Variants in SRRM3 observed in about 807,000 individuals in gnomAD.
SRRM3 encodes serine/arginine repetitive matrix protein 3.
Under a neutral mutation model 66.2 loss-of-function variants are expected in SRRM3, and 27 were observed. The ratio of observed to expected loss-of-function variants is 0.41; its 90% CI spans 0.30 to 0.56. The LOEUF (loss-of-function observed/expected upper bound fraction) is 0.56. SRRM3 is among the 20% of genes least tolerant of loss of function. The pLI is 0.32. For synonymous variants in SRRM3, 391 were observed against 414.9 expected, an observed-to-expected ratio of 0.94 and a Z score of 0.70; for missense variants, 918 against 991.9, an observed-to-expected ratio of 0.93 and a Z score of 1.00.
chr7:76,211,074 A>T (rs1238025023), intron 1 of SRRM3, among the ~76,000 whole-genome samples: 1 of 152,192 alleles, frequency 6.6e-6, no homozygotes, highest in Non-Finnish European at 1.5e-5. Flanking sequence ...AGCCTCCCAA[A>T]GTGCTGGGAT....
chr7:76,226,565 GTTATTTA>G (rs1469199620), intron 1 of SRRM3, among the ~76,000 whole-genome samples: 2 of 148,212 alleles, frequency 1.3e-5, no homozygotes, highest in African/African-American at 4.9e-5. Flanking sequence ...AAGGTCTGGT[GTTATTTA>G]TTTATTTATT....
chr7:76,247,352 C>G (rs781925716), intron 2 of SRRM3, among the ~76,000 whole-genome samples: 1 of 152,058 alleles, frequency 6.6e-6, no homozygotes, highest in Non-Finnish European at 1.5e-5. Context: ...CGATAACCCC[C>G]CTACAAGCCA....
Position 76,248,218 on chromosome 7 carries a change from G to A in SRRM3, c.264G>A (p.Val88=). The A allele has an allele frequency of 1.2e-6, 2 of 1,613,818 alleles. No individual in the cohort carries two copies. Among genetic ancestry groups the A allele is most frequent in the Middle Eastern group, 1.6e-4 (1 of 6,062 alleles). ...GYSEEEIRQK[V]GTFRQMLMEK... ...CGGAGGAGGAGATTCGGCAGAAAGT[G>A]GGGACATTCCGGCAGATGCTGATGG... The change falls in exon 3 of 15, where the codon GTG becomes GTA. Residue 88 remains valine, a synonymous_variant. Transcript: ENST00000611745.
At chr7:76,257,876 A>G (rs1241148598) in intron 3 of SRRM3, among the ~76,000 whole-genome samples, 1 of 152,188 alleles carries the variant, frequency 6.6e-6, no homozygotes, top group Non-Finnish European at 1.5e-5. Flanking sequence ...CTTCGAGAAG[A>G]GGCTCACAGA....
chr7:76,248,866 G>A (rs2117028498), intron 3 of SRRM3, among the ~76,000 whole-genome samples: 1 of 152,316 alleles, frequency 6.6e-6, no homozygotes, highest in East Asian at 1.9e-4. Context: ...TGTAATCCCA[G>A]CTACTTGGGA....
chr7:76,232,158 T>C (rs1445859517), intron 1 of SRRM3, among the ~76,000 whole-genome samples: 2 of 152,164 alleles, frequency 1.3e-5, no homozygotes, highest in Non-Finnish European at 1.5e-5. Flanking sequence ...GGCGCTTAGC[T>C]GGAGCTAGGA....
At chr7:76,211,539 T>C (rs1362273404) in intron 1 of SRRM3, among the ~76,000 whole-genome samples, 1 of 152,154 alleles carries the variant, frequency 6.6e-6, no homozygotes, top group African/African-American at 2.4e-5. Context: ...AAGGTCACCC[T>C]GAAGAGCGGT....
At chr7:76,266,644 TATATTATATATA>T (rs1402132599) in intron 10 of SRRM3, among the ~76,000 whole-genome samples, 135 of 132,012 alleles carry the variant, frequency 1.0e-3, no homozygotes, top group African/African-American at 3.7e-3. Context: ...AATATATTTA[TATATTATATATA>T]TTATTATATA....
intron 11 of SRRM3, chr7:76,269,497 G>A (rs1461558280): frequency 2.0e-5 from 3 of 150,986 alleles, no homozygotes; most frequent in South Asian, 2.1e-4. Flanking sequence ...AACCGTCTTC[G>A]GGAAAAAATA....
intron 2 of SRRM3, among the ~76,000 whole-genome samples, chr7:76,243,939 T>C (rs1376995296): frequency 6.6e-6 from 1 of 152,176 alleles, no homozygotes; most frequent in African/African-American, 2.4e-5. Context: ...GGTGCCAGGC[T>C]CTGCACTGCC....
At chr7:76,236,720 G>A (rs1583893790) in intron 2 of SRRM3, among the ~76,000 whole-genome samples, 1 of 152,330 alleles carries the variant, frequency 6.6e-6, no homozygotes, top group Middle Eastern at 3.4e-3. Flanking sequence ...GGGGTAATGG[G>A]GACCTGATGC....
intron 11 of SRRM3, among the ~76,000 whole-genome samples, chr7:76,271,596 T>C (rs1027198828): frequency 2.6e-5 from 4 of 152,174 alleles, no homozygotes; most frequent in African/African-American, 7.2e-5. Context: ...TGAGCCATGA[T>C]TGCGCCACTG....
intron 1 of SRRM3, among the ~76,000 whole-genome samples, chr7:76,213,854 C>G (rs143804937): frequency 6.6e-6 from 1 of 152,034 alleles, no homozygotes; most frequent in African/African-American, 2.4e-5. Flanking sequence ...ACTGCAGCCT[C>G]GAACTCCCAG....
At chr7:76,208,160 C>T (rs1235874785) in intron 1 of SRRM3, among the ~76,000 whole-genome samples, 4 of 152,170 alleles carry the variant, frequency 2.6e-5, no homozygotes, top group Non-Finnish European at 5.9e-5. Context: ...GAGAGCATCA[C>T]ATATCCCTGG....
chr7:76,215,977 T>G (rs1167429058), intron 1 of SRRM3, among the ~76,000 whole-genome samples: 34 of 151,156 alleles, frequency 2.2e-4, no homozygotes, highest in Admixed American at 1.8e-3. Context: ...TTTTTTTTTT[T>G]TTTGTATTTT....
intron 3 of SRRM3, 66 bp from the exon 4 acceptor site, chr7:76,259,840 G>A: frequency 6.3e-7 from 1 of 1,593,766 alleles, no homozygotes; most frequent in Non-Finnish European, 8.5e-7. Flanking sequence ...CAGGCCCCCT[G>A]CGCCGAGAAA....
At chr7:76,225,565 G>A (rs985529609) in intron 1 of SRRM3, among the ~76,000 whole-genome samples, 2 of 151,554 alleles carry the variant, frequency 1.3e-5, no homozygotes, top group Non-Finnish European at 2.9e-5. Context: ...TGTCCGTGGT[G>A]CTGGAGGACT....
chr7:76,242,457 C>T (rs1023324587), intron 2 of SRRM3, among the ~76,000 whole-genome samples: 5 of 150,926 alleles, frequency 3.3e-5, no homozygotes, highest in Admixed American at 2.7e-4. Flanking sequence ...TGCACTCCAG[C>T]CTGAGCAACA....
intron 3 of SRRM3, among the ~76,000 whole-genome samples, chr7:76,258,713 C>CAAAAAAAAAAAAAAAAAAAAAAAAAA (rs201265747): frequency 8.8e-5 from 6 of 68,230 alleles, no homozygotes; most frequent in South Asian, 5.4e-4. Flanking sequence ...GACTCCATCT[C>CAAAAAAAAAAAAAAAAAAAAAAAAAA]AAAAAAAAAA....
Sources: gnomAD v4.1 joint callset for allele counts (sites outside exome capture counted in the v4.1 genomes callset) on GRCh38, gnomAD v4.1.1 for gene constraint, MANE v1.5 for transcripts, NCBI Gene and HGNC (gene_info 2026-07-23, HGNC 2026-07-21) for gene names.